OXA1L: variants seen among roughly 807,000 people sequenced by gnomAD.
OXA1L encodes OXA1L mitochondrial inner membrane insertase.
A neutral mutation model predicts 52.2 loss-of-function variants in OXA1L; 42 were observed. That is an observed-to-expected ratio of 0.80 (90% CI 0.63 to 1.04). The LOEUF (loss-of-function observed/expected upper bound fraction) is 1.04, where lower values mean the gene tolerates loss of function less well. Among genes scored for constraint, OXA1L ranks in the 50% least tolerant of loss-of-function variants. The pLI, the probability that OXA1L is intolerant of heterozygous loss-of-function variation, is 0.00. For synonymous variants in OXA1L, 239 were observed against 201.9 expected, an observed-to-expected ratio of 1.18 and a Z score of -1.56; for missense variants, 572 against 555.0, an observed-to-expected ratio of 1.03 and a Z score of -0.31.
At position 22,770,278 on chromosome 14, in the gene OXA1L, G is replaced by C. The variant is rs776951766; in HGVS notation, c.669G>C (p.Gln223His). Residue 223 changes from glutamine to histidine, a missense_variant and splice_region_variant, in exon 5 of 10, where the codon CAG (glutamine) becomes CAC (histidine). Coordinates refer to ENST00000612549, the MANE Select transcript of OXA1L (RefSeq NM_005015.5). ...AACCTCTCATTCTCCCTGTGACTCAGGTGAGCAAAAACATTTCCTTCCTTA... is the reference window on the plus strand; with the variant it reads ...AACCTCTCATTCTCCCTGTGACTCACGTGAGCAAAAACATTTCCTTCCTTA... ...LYKPLILPVT[Q>H]APIFISFFIA... is the part of the protein sequence containing the mutation. The C allele has an allele frequency of 6.2e-7, 1 of 1,600,280 alleles. No individual in the cohort carries two copies. The highest frequency in any genetic ancestry group is 1.1e-5 in the South Asian group (1 of 90,746).
chr14:22,770,823 G>T lies in OXA1L; in HGVS notation c.853G>T (p.Val285Leu). The T allele has an allele frequency of 6.2e-7, 1 of 1,614,136 alleles. No individual in the cohort carries two copies. Among genetic ancestry groups the T allele is most frequent in the African/African-American group, 1.3e-5 (1 of 75,054 alleles). Residue 285 changes from valine (V) to leucine (L), a missense_variant, in exon 7 of 10, where the codon GTG (valine) becomes TTG (leucine). Val to Leu is a conservative substitution (Grantham distance 32). Transcript: ENST00000612549. ...TTGGCAGCTAGGTGCTGAGACAGGT[G>T]TGCAAAGTTCTGACCTTCAGTGGAT... ...AVLELGAETG[V>L]QSSDLQWMRN...
chr14:22,767,445 G>T, intron 2 of OXA1L, 36 bp downstream of exon 2: 1 of 1,550,770 alleles, frequency 6.4e-7, no homozygotes. Flanking sequence ...ATTAGGAGTG[G>T]TGTTTCCTGG....
intron 6 of OXA1L, 85 bp from the exon 7 acceptor site, chr14:22,770,720 G>GA: frequency 6.5e-7 from 1 of 1,544,716 alleles, no homozygotes; most frequent in Non-Finnish European, 8.9e-7. Context: ...ACTTGCTGGA[G>GA]AAAGAGTTGA....
chr14:22,769,122 TACTG>T (rs1280720159), intron 3 of OXA1L, among the ~76,000 whole-genome samples: 1 of 152,130 alleles, frequency 6.6e-6, no homozygotes, highest in Non-Finnish European at 1.5e-5. Context: ...ATGCTATTAT[TACTG>T]ACTATAGTCA....
chr14:22,766,752 G>A lies in OXA1L; in HGVS notation c.51G>A (p.Gln17=), dbSNP rs902583066. The A allele has an allele frequency of 1.2e-6, 2 of 1,614,220 alleles. No homozygotes were observed. Among genetic ancestry groups the A allele is most frequent in the Admixed American group, 1.7e-5 (1 of 60,034 alleles). Residue 17 remains glutamine, a synonymous_variant, in exon 1 of 10, where the codon CAG becomes CAA. Coordinates refer to ENST00000612549, the MANE Select transcript of OXA1L (RefSeq NM_005015.5). ...GCCGGGAGCTTCTGCGCTTGCTACA[G>A]TCCGGGCGTCGGGTAAGGATGCCCC... The part of the protein sequence containing the change: ...CGRRELLRLL[Q]SGRRVHSVAG...
In OXA1L at chr14:22,771,116, G is replaced by A; in HGVS notation, c.1038G>A (p.Gln346=). Residue 346 remains glutamine, a synonymous_variant, in exon 8 of 10, where the codon CAG becomes CAA. Coordinates refer to ENST00000612549, the MANE Select transcript of OXA1L (RefSeq NM_005015.5). ...PAVRTVLKIP[Q]RVVHDLDKLP... ...TACGCACTGTACTTAAAATCCCCCA[G>A]CGTGTTGTACATGACCTGGACAAAT... The A allele has an allele frequency of 6.2e-7, 1 of 1,614,104 alleles. No individual in the cohort carries two copies. Among genetic ancestry groups the A allele is most frequent in the Non-Finnish European group, 8.5e-7 (1 of 1,180,024 alleles).
chr14:22,770,012 ATG>A (rs2038444539), intron 4 of OXA1L, 78 bp downstream of exon 4: 5 of 1,560,598 alleles, frequency 3.2e-6, no homozygotes, highest in Admixed American at 1.7e-5. Flanking sequence ...GAAAGGAACA[ATG>A]TAAATCAGAA....
At chr14:22,768,263 T>G in intron 3 of OXA1L, 92 bp downstream of exon 3, 3 of 987,498 alleles carry the variant, frequency 3.0e-6, no homozygotes, top group Non-Finnish European at 4.8e-6. Context: ...GCAGAAGCTC[T>G]GGGGTCAGAA....
chr14:22,770,812 C>T lies in OXA1L; in HGVS notation c.842C>T (p.Ala281Val). Reference sequence around the variant, plus strand: ...CCCCACTTCTTTTGGCAGCTAGGTGCTGAGACAGGTGTGCAAAGTTCTGAC... The same window carrying T: ...CCCCACTTCTTTTGGCAGCTAGGTGTTGAGACAGGTGTGCAAAGTTCTGAC... ...ATMWAVLELG[A>V]ETGVQSSDLQ... The change falls in exon 7 of 10, where the codon GCT becomes GTT. Residue 281 changes from alanine to valine, a missense_variant. Around this residue, in one of 5 missense-constraint regions of OXA1L, gnomAD observed 244 missense variants for 240.2 expected, o/e 1.02. Transcript: ENST00000612549. The T allele has an allele frequency of 5.6e-6, 9 of 1,613,836 alleles. No homozygotes were observed. Among genetic ancestry groups the T allele is most frequent in the Non-Finnish European group, 7.6e-6 (9 of 1,179,686 alleles).
rs1163808030 is a variant in OXA1L at position 22,767,286 on chromosome 14, A to G, written c.102A>G (p.Lys34=). The G allele has an allele frequency of 6.2e-7, 1 of 1,612,524 alleles. No individual in the cohort carries two copies. Among genetic ancestry groups the G allele is most frequent in the East Asian group, 2.2e-5 (1 of 44,834 alleles). ...CAGGGCCCTCGCAATGGCTTGGGAA[A>G]CCGCTGACCACACGGCTCCTATTCC... The part of the protein sequence containing the change: ...SVAGPSQWLG[K]PLTTRLLFPA... Residue 34 remains lysine (K), a synonymous_variant, in exon 2 of 10, where the codon AAA becomes AAG. Coordinates refer to ENST00000612549, the MANE Select transcript of OXA1L (RefSeq NM_005015.5).
chr14:22,772,503 A>G lies in OXA1L; in HGVS notation c.*945A>G, dbSNP rs902554567. The stretch of plus-strand genomic sequence containing the variant: ...GACTCCTTCTCAAAAAAAAAAAAAA[A>G]AAAAAAAAAAAAAAAACAGTTTAAA... On this transcript the variant is annotated 3_prime_UTR_variant, in exon 10 of 10. Coordinates refer to ENST00000612549, the MANE Select transcript of OXA1L (RefSeq NM_005015.5). 7.1e-6 allele frequency: 1 copy of G among 140,446 alleles called. No homozygotes were observed. Among genetic ancestry groups the G allele is most frequent in the African/African-American group, 2.7e-5 (1 of 36,436 alleles). 8.7% of individuals were successfully genotyped at this position (140,446 alleles called of 1,614,324 possible). A position where few individuals can be genotyped will look rare whatever the true frequency, so the allele number is the denominator to read the frequency against.
At chr14:22,767,213 G>A (rs771771725) in intron 1 of OXA1L, 35 bp from the exon 2 acceptor site, 2 of 1,584,690 alleles carry the variant, frequency 1.3e-6, no homozygotes, top group Non-Finnish European at 1.7e-6. Context: ...TTCTGCTCCC[G>A]GTAAAGGGGC....
In OXA1L at chr14:22,771,459, C is replaced by A; in HGVS notation, c.1209C>A (p.His403Gln). ...ARGPLRQTFT[H>Q]NPLLQPGKDN... is the part of the protein sequence containing the mutation. Reference sequence around the variant, plus strand: ...GTCCTTTACGACAGACCTTTACCCACAACCCTCTCCTACAACCTGGAAAGG... The same window carrying A: ...GTCCTTTACGACAGACCTTTACCCAAAACCCTCTCCTACAACCTGGAAAGG... The change falls in exon 10 of 10, where the codon CAC (histidine) becomes CAA (glutamine). Residue 403 changes from histidine to glutamine, a missense_variant. By Grantham distance (24) the His-to-Gln change is conservative. Transcript: ENST00000612549. The A allele has an allele frequency of 6.2e-7, 1 of 1,614,174 alleles. No homozygotes were observed. Among genetic ancestry groups the A allele is most frequent in the Non-Finnish European group, 8.5e-7 (1 of 1,180,016 alleles).
At chr14:22,766,936 C>T (rs2038410525) in intron 1 of OXA1L, 172 bp downstream of exon 1, 1 of 1,512,026 alleles carries the variant, frequency 6.6e-7, no homozygotes, top group Non-Finnish European at 8.8e-7. Context: ...ACACTATGGG[C>T]CCAGCAGCCC....
At chr14:22,769,984 C>T in intron 4 of OXA1L, 50 bp downstream of exon 4, 1 of 1,601,068 alleles carries the variant, frequency 6.2e-7, no homozygotes, top group Non-Finnish European at 8.6e-7. Flanking sequence ...TTGCACTTTT[C>T]CTTACATTCT....
In OXA1L at chr14:22,771,322, G is replaced by A. The variant is rs940703036; in HGVS notation, c.1157G>A (p.Arg386Gln). 1.2e-5 allele frequency: 20 copies of A among 1,614,048 alleles called. No homozygotes were observed. The highest frequency in any genetic ancestry group is 3.3e-4 in the Middle Eastern group (2 of 6,084). ...RQLREREQRM[R>Q]NQLELAARGP... The stretch of plus-strand genomic sequence containing the variant: ...CTGCGAGAGCGTGAACAACGCATGC[G>A]GAATCAGTTGGAGCTAGCAGCCAGG... The change falls in exon 9 of 10, where the codon CGG becomes CAG. Residue 386 changes from arginine (R) to glutamine (Q), a missense_variant. Physicochemically the swap from Arg to Gln is conservative, Grantham distance 43. Around this residue, in one of 5 missense-constraint regions of OXA1L, gnomAD observed 244 missense variants for 240.2 expected, o/e 1.02. Coordinates refer to ENST00000612549, the MANE Select transcript of OXA1L (RefSeq NM_005015.5).
In OXA1L at chr14:22,772,381, T is replaced by G. The variant is rs1463869817; in HGVS notation, c.*823T>G. ...GCGGGTGCCTGTATTCCCAGCTACTTGGGAGGCTGAGGCAGGAGAATGGCG... is the reference window on the plus strand; with the variant it reads ...GCGGGTGCCTGTATTCCCAGCTACTGGGGAGGCTGAGGCAGGAGAATGGCG... On this transcript the variant is annotated 3_prime_UTR_variant, in exon 10 of 10. Transcript: ENST00000612549. 6.9e-6 allele frequency: 1 copy of G among 143,964 alleles called. No homozygotes were observed. Among genetic ancestry groups the G allele is most frequent in the African/African-American group, 2.6e-5 (1 of 38,390 alleles). The allele number at this position is 143,964 out of a possible 1,614,324, so 8.9% of individuals were successfully genotyped here.
At position 22,766,973 on chromosome 14, in the gene OXA1L, C is replaced by T. The variant is rs577209550; in HGVS notation, c.63+209C>T. The T allele has an allele frequency of 5.4e-5, 83 of 1,527,278 alleles. No homozygotes were observed. In the South Asian group the frequency reaches 7.0e-4, roughly 13 times the overall value. The allele number at this position is 1,527,278 out of a possible 1,614,324, so 94.6% of individuals were successfully genotyped here. ...GTGTCAGCTTCTGGAATTGGCTTGG[C>T]TCCTGGCGAGAGCACCTCGGCCTCG... is the stretch of plus-strand genomic sequence containing the variant. On this transcript the variant is annotated intron_variant, in intron 1 of 9. Coordinates refer to ENST00000612549, the MANE Select transcript of OXA1L (RefSeq NM_005015.5).
intron 2 of OXA1L, 181 bp downstream of exon 2, chr14:22,767,590 A>C (rs2038420669): frequency 3.5e-6 from 2 of 573,932 alleles, no homozygotes; most frequent in Non-Finnish European, 6.0e-6. Context: ...AAATGATTGA[A>C]AGTACAACAG....
Sources: gnomAD v4.1 joint callset for allele counts (sites outside exome capture counted in the v4.1 genomes callset) on GRCh38, gnomAD v4.1.1 for gene constraint, gnomAD v4.1.1 regional missense constraint, MANE v1.5 for transcripts, NCBI Gene and HGNC (gene_info 2026-07-23, HGNC 2026-07-21) for gene names.